The following KIAA0232 variants were observed in gnomAD, a reference collection of about 807,000 sequenced individuals.
The protein encoded by KIAA0232 is uncharacterized protein KIAA0232.
In KIAA0232, 27 loss-of-function variants were observed where a neutral mutation model predicts 122.0. That is an observed-to-expected ratio of 0.22 (90% CI 0.16 to 0.31). KIAA0232 has a LOEUF of 0.31. KIAA0232 is among the 10% of genes least tolerant of loss of function. The pLI is 1.00. For missense variants in KIAA0232, 1,551 were observed against 1,634.2 expected, an observed-to-expected ratio of 0.95 and a Z score of 0.88; for synonymous variants, 613 against 587.6, an observed-to-expected ratio of 1.04 and a Z score of -0.63.
Position 6,861,356 on chromosome 4 carries a change from A to G in KIAA0232, c.974A>G (p.Lys325Arg). The G allele has an allele frequency of 6.2e-7, 1 of 1,614,172 alleles. No individual in the cohort carries two copies. Among genetic ancestry groups the G allele is most frequent in the Non-Finnish European group, 8.5e-7 (1 of 1,180,038 alleles). ...VRHKAREIRN[K>R]KGRNGQSRLS... ...CACAAGGCACGAGAGATTCGAAACAAAAAAGGGCGGAATGGGCAAAGCAGG... is the reference window on the plus strand; with the variant it reads ...CACAAGGCACGAGAGATTCGAAACAGAAAAGGGCGGAATGGGCAAAGCAGG... The change falls in exon 7 of 10, where the codon AAA (lysine) becomes AGA (arginine). Residue 325 changes from lysine to arginine, a missense_variant. By Grantham distance (26) the Lys-to-Arg change is conservative. Transcript: ENST00000307659.
intron 3 of KIAA0232, among the ~76,000 whole-genome samples, chr4:6,838,065 G>T (rs1165428222): frequency 3.3e-5 from 5 of 152,154 alleles, no homozygotes; most frequent in Non-Finnish European, 7.4e-5. Context: ...GTAGAATTAG[G>T]ATTTCTAACC....
At chr4:6,789,999 A>G (rs1716816982) in intron 1 of KIAA0232, among the ~76,000 whole-genome samples, 1 of 152,182 alleles carries the variant, frequency 6.6e-6, no homozygotes, top group Non-Finnish European at 1.5e-5. Context: ...ACTGGACTCC[A>G]GCCTGGGTGA....
chr4:6,830,962 T>G (rs954086862), intron 3 of KIAA0232, among the ~76,000 whole-genome samples: 1 of 152,052 alleles, frequency 6.6e-6, no homozygotes, highest in African/African-American at 2.4e-5. Context: ...GTAAGTAGGG[T>G]GCTGAACCAC....
chr4:6,804,074 A>G (rs776549155), intron 1 of KIAA0232, among the ~76,000 whole-genome samples: 1 of 152,154 alleles, frequency 6.6e-6, no homozygotes, highest in Non-Finnish European at 1.5e-5. Context: ...TATCTATTTT[A>G]TTTATTTGGG....
intron 4 of KIAA0232, among the ~76,000 whole-genome samples, chr4:6,844,813 T>A (rs1401310481): frequency 6.6e-6 from 1 of 152,218 alleles, no homozygotes; most frequent in African/African-American, 2.4e-5. Flanking sequence ...TACATACAGC[T>A]ATCTTAGGCA....
At position 6,824,502 on chromosome 4, in the gene KIAA0232, T is replaced by C; in HGVS notation, c.49T>C (p.Ser17Pro). The part of the protein sequence containing the change: ...VVVDGLPSES[S>P]SSSYPGPVSV... The stretch of plus-strand genomic sequence containing the variant: ...TGTGGATGGTTTGCCATCTGAAAGC[T>C]CCTCAAGTTCTTATCCAGGCCCTGT... The change falls in exon 3 of 10, where the codon TCC becomes CCC. Residue 17 changes from serine to proline, a missense_variant. Around this residue, in one of 5 missense-constraint regions of KIAA0232, gnomAD observed 37 missense variants for 28.5 expected, o/e 1.30. Transcript: ENST00000307659. The C allele has an allele frequency of 1.2e-6, 2 of 1,614,218 alleles. No homozygotes were observed. The highest frequency in any genetic ancestry group is 2.2e-5 in the South Asian group (2 of 91,088).
intron 7 of KIAA0232, among the ~76,000 whole-genome samples, chr4:6,867,637 G>A (rs953666597): frequency 1.3e-5 from 2 of 152,220 alleles, no homozygotes; most frequent in African/African-American, 4.8e-5. Flanking sequence ...TCACTGTGCT[G>A]TGGAGGTCAG....
chr4:6,800,655 T>C (rs1453011107), intron 1 of KIAA0232, among the ~76,000 whole-genome samples: 1 of 150,436 alleles, frequency 6.6e-6, no homozygotes, highest in Non-Finnish European at 1.5e-5. Flanking sequence ...CACTGCAGCC[T>C]GGGCGACAGA....
At position 6,864,023 on chromosome 4, in the gene KIAA0232, G is replaced by C; in HGVS notation, c.3641G>C (p.Ser1214Thr). Reference protein sequence around the residue: ...VGKQNQCLECSMNESLEIDLE... With the variant: ...VGKQNQCLECTMNESLEIDLE... Reference sequence around the variant, plus strand: ...AAGCAAAATCAGTGTTTGGAATGTAGCATGAATGAATCCCTGGAAATAGAT... The same window carrying C: ...AAGCAAAATCAGTGTTTGGAATGTACCATGAATGAATCCCTGGAAATAGAT... Residue 1214 changes from serine (S) to threonine (T), a missense_variant, in exon 7 of 10, where the codon AGC becomes ACC. This residue lies in a region of KIAA0232 where 1,108 missense variants were observed against 1,154.8 expected (regional missense o/e 0.96). Coordinates refer to ENST00000307659, the MANE Select transcript of KIAA0232 (RefSeq NM_014743.3). 1 of 1,614,192 alleles carries C rather than the reference G, an allele frequency of 6.2e-7. No homozygotes were observed. The highest frequency in any genetic ancestry group is 8.5e-7 in the Non-Finnish European group (1 of 1,180,024).
chr4:6,809,774 A>G lies in KIAA0232; in HGVS notation c.-270+5168A>G, dbSNP rs4626204. 5.7e-3 allele frequency among the ~76,000 whole-genome samples: 867 copies of G among 152,274 alleles called. 20 individuals carry two copies. The East Asian group carries it at 0.061, about 11-fold the overall frequency. On this transcript the variant is annotated intron_variant, in intron 2 of 9. Coordinates refer to ENST00000307659, the MANE Select transcript of KIAA0232 (RefSeq NM_014743.3). Reference sequence around the variant, plus strand: ...CGGCATACAAAAATCAGTAATATTTATATATTACCAATAACGATCTAGCTG... The same window carrying G: ...CGGCATACAAAAATCAGTAATATTTGTATATTACCAATAACGATCTAGCTG...
chr4:6,841,230 T>C (rs1719645302), intron 3 of KIAA0232, among the ~76,000 whole-genome samples: 1 of 152,200 alleles, frequency 6.6e-6, no homozygotes, highest in Admixed American at 6.5e-5. Context: ...CCACACAAAT[T>C]TATCATGGGT....
In KIAA0232 at chr4:6,819,482, C is replaced by T. The variant is rs551384379; in HGVS notation, c.-269-4703C>T. ...CAATTTTCAAAAGAAGACATACAAG[C>T]AGCCAACAAATGTATAAAAAAAGTT... On this transcript the variant is annotated intron_variant, in intron 2 of 9. Coordinates refer to ENST00000307659, the MANE Select transcript of KIAA0232 (RefSeq NM_014743.3). Among the ~76,000 whole-genome samples the T allele has an allele frequency of 3.9e-5, 6 of 152,244 alleles. No homozygotes were observed. In the South Asian group the frequency reaches 8.3e-4, roughly 21 times the overall value.
At chr4:6,860,643 A>G (rs1275214482) in intron 6 of KIAA0232, among the ~76,000 whole-genome samples, 1 of 152,238 alleles carries the variant, frequency 6.6e-6, no homozygotes, top group East Asian at 1.9e-4. Flanking sequence ...TTGAAGATAA[A>G]AACTGTCATC....
chr4:6,851,984 A>G (rs1360298773), intron 4 of KIAA0232, among the ~76,000 whole-genome samples: 1 of 152,102 alleles, frequency 6.6e-6, no homozygotes, highest in Non-Finnish European at 1.5e-5. Context: ...GATTGGTCAT[A>G]TTATTTAATT....
intron 4 of KIAA0232, among the ~76,000 whole-genome samples, chr4:6,850,963 C>G (rs961230213): frequency 6.6e-6 from 1 of 152,122 alleles, no homozygotes; most frequent in Non-Finnish European, 1.5e-5. Flanking sequence ...CCACCATGCT[C>G]GGCCGAAAGG....
Position 6,881,912 on chromosome 4 carries a change from G to A in KIAA0232, c.*946G>A, listed in dbSNP as rs961281596. The A allele has an allele frequency of 4.6e-5, 7 of 152,670 alleles. No homozygotes were observed. The highest frequency in any genetic ancestry group is 1.0e-4 in the Non-Finnish European group (7 of 68,042). The allele number at this position is 152,670 out of a possible 1,614,324, so 9.5% of individuals were successfully genotyped here. On this transcript the variant is annotated 3_prime_UTR_variant, in exon 10 of 10. Coordinates refer to ENST00000307659, the MANE Select transcript of KIAA0232 (RefSeq NM_014743.3). Reference sequence around the variant, plus strand: ...AAATCTTTGGCTGCTGCAGCTAGCCGCTTCTTGGCTGTGATGTAGTATAGC... The same window carrying A: ...AAATCTTTGGCTGCTGCAGCTAGCCACTTCTTGGCTGTGATGTAGTATAGC...
chr4:6,864,138 T>G lies in KIAA0232; in HGVS notation c.3756T>G (p.Phe1252Leu). The change falls in exon 7 of 10, where the codon TTT becomes TTG. Residue 1252 changes from phenylalanine to leucine, a missense_variant. Physicochemically the swap from Phe to Leu is conservative, Grantham distance 22 (BLOSUM62 0). This residue lies in a region of KIAA0232 where 1,108 missense variants were observed against 1,154.8 expected (regional missense o/e 0.96). Coordinates refer to ENST00000307659, the MANE Select transcript of KIAA0232 (RefSeq NM_014743.3). ...GTGGTTGCAAAGCAGGTTGTCAGTT[T>G]CCTGCTTATGAAGATAATCCAGTTT... Reference protein sequence around the residue: ...NFCGCKAGCQFPAYEDNPVSS... With the variant: ...NFCGCKAGCQLPAYEDNPVSS... 6.2e-7 allele frequency: 1 copy of G among 1,614,094 alleles called. No individual in the cohort carries two copies. Among genetic ancestry groups the G allele is most frequent in the Non-Finnish European group, 8.5e-7 (1 of 1,179,986 alleles).
intron 1 of KIAA0232, among the ~76,000 whole-genome samples, chr4:6,783,404 C>G (rs1396830842): frequency 6.6e-6 from 1 of 152,204 alleles, no homozygotes; most frequent in Admixed American, 6.5e-5. Context: ...GGCGGCTCTT[C>G]TAGGGGAGAC....
At chr4:6,833,971 T>C (rs996089978) in intron 3 of KIAA0232, among the ~76,000 whole-genome samples, 4 of 152,208 alleles carry the variant, frequency 2.6e-5, no homozygotes, top group African/African-American at 7.2e-5. Flanking sequence ...TATCACATTG[T>C]TAAGAACATA....
Sources: gnomAD v4.1 joint callset for allele counts (sites outside exome capture counted in the v4.1 genomes callset) on GRCh38, gnomAD v4.1.1 for gene constraint, gnomAD v4.1.1 regional missense constraint, MANE v1.5 for transcripts, NCBI Gene and HGNC (gene_info 2026-07-23, HGNC 2026-07-21) for gene names.